RBFOX1: variants seen among roughly 807,000 people sequenced by gnomAD.
RBFOX1 encodes the protein RNA binding protein fox-1 homolog 1.
Under a neutral mutation model 57.7 loss-of-function variants are expected in RBFOX1, and 8 were observed. That is an observed-to-expected ratio of 0.14 (90% CI 0.08 to 0.25). The LOEUF is 0.25. RBFOX1 is among the 10% of genes least tolerant of loss of function. The probability of loss-of-function intolerance (pLI) is 1.00; values close to 1 mark genes in which losing one functional copy is unlikely to be tolerated. For missense variants in RBFOX1, 611 were observed against 548.5 expected (o/e 1.11, Z -1.14); for synonymous variants, 326 against 222.4 (o/e 1.47, Z -4.15).
At chr16:7,477,060 A>T (rs1266799732) in intron 4 of RBFOX1, among the ~76,000 whole-genome samples, 1 of 152,140 alleles carries the variant, frequency 6.6e-6, no homozygotes, top group Non-Finnish European at 1.5e-5. Flanking sequence ...ATGTTCCTTA[A>T]CAGCAAGTTT....
chr16:5,957,669 A>G (rs2059671956), intron 4 of RBFOX1, among the ~76,000 whole-genome samples: 1 of 152,062 alleles, frequency 6.6e-6, no homozygotes, highest in African/African-American at 2.4e-5. Flanking sequence ...AAACATTTTT[A>G]AATTTTGGAA....
chr16:5,276,797 T>C (rs2063152643), intron 1 of RBFOX1, among the ~76,000 whole-genome samples: 2 of 152,010 alleles, frequency 1.3e-5, no homozygotes, highest in South Asian at 4.2e-4. Flanking sequence ...AAAGCAAAAA[T>C]TGATGTTGGC....
rs116971846 is a variant in RBFOX1, at chr16:7,488,909, G to A, written c.28-29238G>A. On this transcript the variant is annotated intron_variant, in intron 4 of 15. Coordinates refer to ENST00000550418, the MANE Select transcript of RBFOX1 (RefSeq NM_018723.4). ...ATTTTATCATTATGTTTGTCTATACGTTCATCAATCCATCAGTCTGTATAC... is the reference window on the plus strand; with the variant it reads ...ATTTTATCATTATGTTTGTCTATACATTCATCAATCCATCAGTCTGTATAC... Among the ~76,000 whole-genome samples the A allele has an allele frequency of 3.2e-3, 484 of 151,938 alleles. 2 individuals carry two copies. The highest frequency in any genetic ancestry group is 0.017 in the Middle Eastern group (5 of 292).
chr16:6,771,761 T>C (rs1160085700), intron 3 of RBFOX1, among the ~76,000 whole-genome samples: 1 of 152,172 alleles, frequency 6.6e-6, no homozygotes, highest in Non-Finnish European at 1.5e-5. Flanking sequence ...CATCTCACAA[T>C]GCACAGGACA....
At chr16:6,862,058 C>T (rs1010248978) in intron 3 of RBFOX1, among the ~76,000 whole-genome samples, 1 of 152,038 alleles carries the variant, frequency 6.6e-6, no homozygotes, top group Non-Finnish European at 1.5e-5. Flanking sequence ...GGAAAAATCA[C>T]AGCAAAACTG....
At chr16:5,487,900 G>A (rs901865555) in intron 2 of RBFOX1, among the ~76,000 whole-genome samples, 2 of 152,064 alleles carry the variant, frequency 1.3e-5, no homozygotes, top group African/African-American at 4.8e-5. Context: ...TGATGAAGCT[G>A]TTGATAATGG....
At chr16:6,442,060 C>T (rs2094394495) in intron 2 of RBFOX1, among the ~76,000 whole-genome samples, 1 of 152,104 alleles carries the variant, frequency 6.6e-6, no homozygotes, top group Non-Finnish European at 1.5e-5. Context: ...TCTTCCAAGC[C>T]CTTAACTCTC....
chr16:7,356,335 C>G (rs1167212171), intron 4 of RBFOX1, among the ~76,000 whole-genome samples: 1 of 152,072 alleles, frequency 6.6e-6, no homozygotes, highest in East Asian at 1.9e-4. Context: ...AGGTATGCCC[C>G]AAGACACAGA....
Position 5,834,681 on chromosome 16 carries a change from G to GGATAGGTA in RBFOX1, c.319-32616_319-32609dup, listed in dbSNP as rs1404269398. On this transcript the variant is annotated intron_variant, in intron 3 of 19. Coordinates refer to the RBFOX1 transcript ENST00000641259. Reference sequence around the variant, plus strand: ...AGTAGTGGGATTGCTGGATTGAATGGGATAGGTAGATAGATAGATAGATAG... The same window carrying GGATAGGTA: ...AGTAGTGGGATTGCTGGATTGAATGGGATAGGTAGATAGGTAGATAGATAGATAGATAG... Among the ~76,000 whole-genome samples, 589 of 102,516 alleles carry GGATAGGTA rather than the reference G, an allele frequency of 5.7e-3. 3 individuals are homozygous for GGATAGGTA. Among genetic ancestry groups the GGATAGGTA allele is most frequent in the African/African-American group, 0.02 (563 of 27,650 alleles). The allele number at this position is 102,516 out of a possible 152,430, so 67.3% of individuals were successfully genotyped here. A position where few individuals can be genotyped will look rare whatever the true frequency, so the allele number is the denominator to read the frequency against.
chr16:6,307,171 C>T (rs1404333325), intron 1 of RBFOX1, among the ~76,000 whole-genome samples: 4 of 152,108 alleles, frequency 2.6e-5, no homozygotes, highest in African/African-American at 9.7e-5. Context: ...CTAGGTCATC[C>T]TCAAAAGAGA....
intron 14 of RBFOX1, among the ~76,000 whole-genome samples, chr16:7,708,561 G>T (rs2083256313): frequency 6.6e-6 from 1 of 152,192 alleles, no homozygotes; most frequent in African/African-American, 2.4e-5. Context: ...AAATATACTT[G>T]TTCCTTTCCA....
At chr16:6,100,580 C>T (rs527959444) in intron 1 of RBFOX1, among the ~76,000 whole-genome samples, 16 of 152,286 alleles carry the variant, frequency 1.1e-4, no homozygotes, top group African/African-American at 3.8e-4. Flanking sequence ...TCAAGATGAT[C>T]AGTTTGGATT....
intron 5 of RBFOX1, among the ~76,000 whole-genome samples, chr16:7,547,791 C>T (rs143001618): frequency 1.3e-5 from 2 of 152,308 alleles, no homozygotes; most frequent in East Asian, 1.9e-4. Flanking sequence ...CTGGGATGGG[C>T]TAGCATGAAG....
chr16:5,795,751 C>T (rs1217566137), intron 3 of RBFOX1, among the ~76,000 whole-genome samples: 1 of 152,200 alleles, frequency 6.6e-6, no homozygotes, highest in African/African-American at 2.4e-5. Context: ...ATATATCCCT[C>T]CTAACTTTTG....
intron 1 of RBFOX1, among the ~76,000 whole-genome samples, chr16:6,267,535 C>G (rs2074673734): frequency 6.6e-6 from 1 of 152,106 alleles, no homozygotes; most frequent in Non-Finnish European, 1.5e-5. Flanking sequence ...GAGCAACAGT[C>G]CTTTCTTTAG....
At chr16:5,742,523 C>G (rs1441348286) in intron 3 of RBFOX1, among the ~76,000 whole-genome samples, 1 of 152,020 alleles carries the variant, frequency 6.6e-6, no homozygotes, top group Non-Finnish European at 1.5e-5. Flanking sequence ...AGAAACAAGC[C>G]CGATCACTTC....
intron 11 of RBFOX1, among the ~76,000 whole-genome samples, chr16:7,635,729 G>A (rs2061648833): frequency 6.6e-6 from 1 of 152,118 alleles, no homozygotes. Context: ...TTTGTTTAAT[G>A]ACATAAATGG....
intron 3 of RBFOX1, among the ~76,000 whole-genome samples, chr16:6,772,351 T>C (rs966297098): frequency 3.3e-5 from 5 of 152,184 alleles, no homozygotes; most frequent in African/African-American, 9.7e-5. Context: ...AAATAATTTA[T>C]TTATGCAGCA....
At chr16:5,277,022 G>A (rs1267069547) in intron 1 of RBFOX1, among the ~76,000 whole-genome samples, 2 of 152,104 alleles carry the variant, frequency 1.3e-5, no homozygotes, top group Admixed American at 1.3e-4. Context: ...ATTCACATTT[G>A]CAAAACTATA....
Sources: allele counts gnomAD v4.1 joint callset (sites outside exome capture counted in the v4.1 genomes callset), GRCh38; gene constraint gnomAD v4.1.1; transcripts MANE v1.5; gene names NCBI Gene and HGNC (gene_info 2026-07-23, HGNC 2026-07-21).